The following ANXA4 variants were observed in gnomAD, a reference collection of about 807,000 sequenced individuals.
ANXA4 encodes 35-beta calcimedin.
ANXA4 carries 39 observed loss-of-function variants against 49.8 expected under a neutral mutation model. The observed-to-expected ratio is 0.78, with a 90% CI of 0.61 to 1.02. The LOEUF (loss-of-function observed/expected upper bound fraction) is 1.02, where lower values mean the gene tolerates loss of function less well. ANXA4 is among the 50% of genes least tolerant of loss of function. The pLI, the probability that ANXA4 is intolerant of heterozygous loss-of-function variation, is 0.00. For missense variants in ANXA4, 360 were observed against 410.1 expected, an observed-to-expected ratio of 0.88 and a Z score of 1.05; for synonymous variants, 134 against 152.5, an observed-to-expected ratio of 0.88 and a Z score of 0.89.
chr2:69,819,313 C>T lies in ANXA4; in HGVS notation c.758C>T (p.Ala253Val). The T allele has an allele frequency of 6.2e-7, 1 of 1,607,886 alleles. No individual in the cohort carries two copies. ...ATGAGGAACAAATCTGCATATTTTG[C>T]TGAAAAGCTCTATAAATCGATGAAG... ...KCMRNKSAYF[A>V]EKLYKSMKGL... Residue 253 changes from alanine to valine, a missense_variant, in exon 11 of 13, where the codon GCT becomes GTT. Physicochemically the swap from Ala to Val is moderately conservative, Grantham distance 64. Transcript: ENST00000394295.
intron 2 of ANXA4, among the ~76,000 whole-genome samples, chr2:69,655,471 C>T (rs546779313): frequency 5.9e-5 from 9 of 152,238 alleles, no homozygotes; most frequent in Middle Eastern, 3.4e-3. Context: ...ATCAAAACCA[C>T]AATGAGATAC....
intron 2 of ANXA4, among the ~76,000 whole-genome samples, chr2:69,662,123 C>T (rs1676745073): frequency 6.6e-6 from 1 of 152,198 alleles, no homozygotes; most frequent in Non-Finnish European, 1.5e-5. Flanking sequence ...TGTTATCCAG[C>T]TGGCAGATGG....
intron 2 of ANXA4, among the ~76,000 whole-genome samples, chr2:69,668,776 C>G (rs966791131): frequency 1.2e-4 from 18 of 152,174 alleles, no homozygotes; most frequent in Admixed American, 1.2e-3. Flanking sequence ...TTGGCTTCTG[C>G]AGCAGGCTTG....
At chr2:69,764,337 ACT>A (rs1671419702) in intron 1 of ANXA4, among the ~76,000 whole-genome samples, 1 of 152,186 alleles carries the variant, frequency 6.6e-6, no homozygotes, top group Non-Finnish European at 1.5e-5. Flanking sequence ...TTCTAAAATA[ACT>A]CTGAGAACAG....
intron 2 of ANXA4, among the ~76,000 whole-genome samples, chr2:69,675,867 CA>C (rs1393399145): frequency 4.6e-5 from 7 of 151,778 alleles, no homozygotes; most frequent in South Asian, 4.2e-4. Context: ...ACTAAAAATA[CA>C]AAAAATTAGC....
intron 2 of ANXA4, among the ~76,000 whole-genome samples, chr2:69,660,599 G>A (rs1004140976): frequency 6.6e-6 from 1 of 152,136 alleles, no homozygotes; most frequent in Admixed American, 6.6e-5. Flanking sequence ...AGGAAAAAGA[G>A]TGTATGAAGA....
chr2:69,770,177 C>T (rs553454708), intron 1 of ANXA4, among the ~76,000 whole-genome samples: 3 of 152,202 alleles, frequency 2.0e-5, no homozygotes, highest in South Asian at 2.1e-4. Flanking sequence ...TTTGAATACA[C>T]GTTTAAAATG....
At chr2:69,731,205 G>A (rs1279765098) in intron 3 of ANXA4, among the ~76,000 whole-genome samples, 2 of 152,152 alleles carry the variant, frequency 1.3e-5, no homozygotes. Context: ...TATTCTTGGG[G>A]TCTGGAGTCT....
upstream of ANXA4, among the ~76,000 whole-genome samples, chr2:69,740,560 T>A (rs190762961): frequency 1.3e-4 from 19 of 151,740 alleles, no homozygotes; most frequent in Admixed American, 2.0e-4. Flanking sequence ...TTTAGAGTGA[T>A]CCTCCTGCTT....
At chr2:69,763,141 T>C (rs1420764538) in intron 1 of ANXA4, among the ~76,000 whole-genome samples, 2 of 152,174 alleles carry the variant, frequency 1.3e-5, no homozygotes, top group Non-Finnish European at 2.9e-5. Context: ...TTTTGTGCTC[T>C]TCTGCCGGAA....
chr2:69,651,817 T>TGGGGG (rs1218915002), intron 1 of ANXA4, among the ~76,000 whole-genome samples: 3 of 12,606 alleles, frequency 2.4e-4, no homozygotes, highest in African/African-American at 8.6e-4. Context: ...TTTTTTTTTT[T>TGGGGG]GGGGGGGGGG....
intron 3 of ANXA4, among the ~76,000 whole-genome samples, chr2:69,725,339 T>C (rs979937858): frequency 1.3e-5 from 2 of 149,590 alleles, no homozygotes; most frequent in African/African-American, 4.9e-5. Context: ...CCCAAATAAA[T>C]ATACCATATA....
intron 2 of ANXA4, among the ~76,000 whole-genome samples, chr2:69,707,522 T>C (rs1462819486): frequency 6.6e-6 from 1 of 152,236 alleles, no homozygotes; most frequent in Admixed American, 6.5e-5. Flanking sequence ...TATAGTTTTA[T>C]CTCATAACCG....
rs540870677 is a variant in ANXA4 at position 69,733,179 on chromosome 2, A to C, written n.864+12308A>C. Among the ~76,000 whole-genome samples, 262 of 152,356 alleles carry C rather than the reference A, an allele frequency of 1.7e-3. 1 individual carries two copies. The highest frequency in any genetic ancestry group is 6.1e-3 in the African/African-American group (253 of 41,578). ...ATTGAGGCAAAATGTTTATTTACTTAATGAAAATTAACATCTGAATTAGTC... is the reference window on the plus strand; with the variant it reads ...ATTGAGGCAAAATGTTTATTTACTTCATGAAAATTAACATCTGAATTAGTC... On this transcript the variant is annotated intron_variant and non_coding_transcript_variant, in intron 3 of 3. Transcript: ENST00000418066.
At chr2:69,759,310 A>G (rs770599317) in intron 1 of ANXA4, among the ~76,000 whole-genome samples, 27 of 152,182 alleles carry the variant, frequency 1.8e-4, no homozygotes, top group Middle Eastern at 3.2e-3. Flanking sequence ...AAAATTATAT[A>G]CATACTGTGA....
chr2:69,651,926 C>T (rs1476955541), intron 1 of ANXA4, among the ~76,000 whole-genome samples: 1 of 151,350 alleles, frequency 6.6e-6, no homozygotes, highest in Non-Finnish European at 1.5e-5. Context: ...AGCAATCCTG[C>T]CTCAGCCTCC....
chr2:69,734,786 C>T (rs1408679532), intron 3 of ANXA4, among the ~76,000 whole-genome samples: 2 of 152,236 alleles, frequency 1.3e-5, no homozygotes, highest in East Asian at 1.9e-4. Flanking sequence ...TTTGTTTCTC[C>T]GGTTTTTGAG....
intron 3 of ANXA4, among the ~76,000 whole-genome samples, chr2:69,729,650 A>G (rs1239488777): frequency 6.6e-6 from 1 of 152,254 alleles, no homozygotes; most frequent in Non-Finnish European, 1.5e-5. Flanking sequence ...GGGAAATCCC[A>G]GGATAAAGTT....
intron 3 of ANXA4, among the ~76,000 whole-genome samples, chr2:69,797,451 C>T (rs112554671): frequency 7.2e-5 from 11 of 152,188 alleles, no homozygotes; most frequent in African/African-American, 1.9e-4. Context: ...ACCTCCTAGA[C>T]CTGTGTGACC....
Sources: gnomAD v4.1 joint callset for allele counts (sites outside exome capture counted in the v4.1 genomes callset) on GRCh38, gnomAD v4.1.1 for gene constraint, MANE v1.5 for transcripts, NCBI Gene and HGNC (gene_info 2026-07-23, HGNC 2026-07-21) for gene names.